Variants in PHC3 observed in about 807,000 individuals in gnomAD.
The protein encoded by PHC3 is polyhomeotic-like protein 3.
A neutral mutation model predicts 107.4 loss-of-function variants in PHC3; 13 were observed. The ratio of observed to expected loss-of-function variants is 0.12; its 90% CI spans 0.08 to 0.19. PHC3 has a LOEUF of 0.19. Ranked by LOEUF, PHC3 falls within the 10% of genes least tolerant of loss-of-function variation. PHC3 has a pLI of 1.00. For synonymous variants in PHC3, 456 were observed against 427.4 expected, an observed-to-expected ratio of 1.07 and a Z score of -0.83; for missense variants, 992 against 1,210.9, an observed-to-expected ratio of 0.82 and a Z score of 2.68.
intron 4 of PHC3, among the ~76,000 whole-genome samples, chr3:170,161,462 A>G (rs1727874310): frequency 6.6e-6 from 1 of 152,190 alleles, no homozygotes; most frequent in Non-Finnish European, 1.5e-5. Context: ...GTTCCATCTC[A>G]GATCATCAGG....
intron 8 of PHC3, among the ~76,000 whole-genome samples, chr3:170,124,571 C>T (rs917600789): frequency 2.0e-5 from 3 of 151,904 alleles, no homozygotes; most frequent in African/African-American, 7.2e-5. Context: ...CACTATGTTG[C>T]CCAGGCTGGT....
At chr3:170,105,040 G>T (rs1275419362) in intron 12 of PHC3, among the ~76,000 whole-genome samples, 2 of 152,162 alleles carry the variant, frequency 1.3e-5, no homozygotes, top group African/African-American at 4.8e-5. Context: ...ACATTTCCCT[G>T]TTAGGGCCCC....
chr3:170,170,955 G>T (rs1483367196), intron 4 of PHC3: 1 of 174,874 alleles, frequency 5.7e-6, no homozygotes, highest in African/African-American at 2.4e-5. Flanking sequence ...AATAACTCAT[G>T]TAAGCTGAAA....
intron 8 of PHC3, among the ~76,000 whole-genome samples, chr3:170,124,103 C>T (rs1315665793): frequency 1.3e-5 from 2 of 152,104 alleles, no homozygotes; most frequent in African/African-American, 4.8e-5. Context: ...CTGCCTTGGC[C>T]TCCCAAAGTG....
At chr3:170,171,681 T>C (rs1017305344) in intron 3 of PHC3, among the ~76,000 whole-genome samples, 27 of 152,248 alleles carry the variant, frequency 1.8e-4, no homozygotes, top group African/African-American at 6.0e-4. Context: ...TTAGCTACTT[T>C]ATTGTCAGTT....
chr3:170,117,056 T>C, intron 10 of PHC3, 170 bp downstream of exon 10: 2 of 856,622 alleles, frequency 2.3e-6, no homozygotes, highest in Non-Finnish European at 3.4e-6. Context: ...GGCATAAAAT[T>C]CTACATAAAC....
intron 8 of PHC3, among the ~76,000 whole-genome samples, chr3:170,126,519 TATATATA>T (rs1469873646): frequency 2.4e-5 from 2 of 82,488 alleles, no homozygotes; most frequent in Non-Finnish European, 4.7e-5. Context: ...TATATATATA[TATATATA>T]TATTTTTTTT....
intron 7 of PHC3, among the ~76,000 whole-genome samples, chr3:170,134,283 C>A (rs188263602): frequency 1.6e-4 from 24 of 152,048 alleles, no homozygotes; most frequent in African/African-American, 5.5e-4. Context: ...TCCACCTCCC[C>A]GGTTCAAGTA....
intron 10 of PHC3, 178 bp downstream of exon 10, chr3:170,117,048 C>A: frequency 1.3e-6 from 1 of 777,066 alleles, no homozygotes. Flanking sequence ...ACTTAGCTGG[C>A]ATAAAATTCT....
At chr3:170,131,577 T>G (rs1722270584) in intron 7 of PHC3, among the ~76,000 whole-genome samples, 2 of 152,246 alleles carry the variant, frequency 1.3e-5, no homozygotes, top group African/African-American at 4.8e-5. Context: ...CTCATGCCCG[T>G]AATCCCAGCA....
At position 170,088,447 on chromosome 3, in the gene PHC3, C is replaced by T. The variant is rs1414928402; in HGVS notation, c.*8783G>A. The T allele has an allele frequency of 1.3e-5, 2 of 152,164 alleles. No individual in the cohort carries two copies. Among genetic ancestry groups the T allele is most frequent in the Admixed American group, 1.3e-4 (2 of 15,280 alleles). 9.4% of individuals were successfully genotyped at this position (152,164 alleles called of 1,614,324 possible). ...CCATTGTCAGTATCCATCCATCCAA[C>T]CTTCATTTACTACAAGCACAATACT... On this transcript the variant is annotated 3_prime_UTR_variant, in exon 15 of 15. Coordinates refer to ENST00000495893, the MANE Select transcript of PHC3 (RefSeq NM_024947.4).
chr3:170,176,403 C>T (rs983482736), intron 2 of PHC3, among the ~76,000 whole-genome samples: 1 of 152,078 alleles, frequency 6.6e-6, no homozygotes, highest in African/African-American at 2.4e-5. Context: ...GTTAAATAGA[C>T]ATTATACTGG....
At position 170,133,616 on chromosome 3, in the gene PHC3, C is replaced by T. The variant is rs549540258; in HGVS notation, c.919+2803G>A. Among the ~76,000 whole-genome samples the T allele has an allele frequency of 1.9e-4, 29 of 152,262 alleles. No homozygotes were observed. In the East Asian group the frequency reaches 4.6e-3, roughly 24 times the overall value. On this transcript the variant is annotated intron_variant, in intron 7 of 14. Transcript: ENST00000495893. Reference sequence around the variant, plus strand: ...CTTTTAAGTAGTTCAGGATTTTCTGCGTGGTTTGTTTATAATCAACAACAT... The same window carrying T: ...CTTTTAAGTAGTTCAGGATTTTCTGTGTGGTTTGTTTATAATCAACAACAT...
At chr3:170,163,151 C>G (rs1577227658) in intron 4 of PHC3, among the ~76,000 whole-genome samples, 1 of 152,034 alleles carries the variant, frequency 6.6e-6, no homozygotes, top group East Asian at 1.9e-4. Context: ...ATATTAAACG[C>G]TCGATAAATA....
intron 6 of PHC3, among the ~76,000 whole-genome samples, chr3:170,142,168 A>G (rs1204584551): frequency 6.6e-6 from 1 of 152,240 alleles, no homozygotes; most frequent in Admixed American, 6.5e-5. Flanking sequence ...AACATTTAGT[A>G]AATGCTATCA....
intron 2 of PHC3, among the ~76,000 whole-genome samples, chr3:170,174,717 T>C (rs1730140390): frequency 6.6e-6 from 1 of 152,230 alleles, no homozygotes; most frequent in African/African-American, 2.4e-5. Context: ...TTTATTTTCA[T>C]GTGTTAATAT....
At chr3:170,134,796 C>T (rs182808094) in intron 7 of PHC3, among the ~76,000 whole-genome samples, 1 of 152,126 alleles carries the variant, frequency 6.6e-6, no homozygotes, top group East Asian at 1.9e-4. Flanking sequence ...ACATAAATGC[C>T]CAATATTATT....
At chr3:170,104,153 A>G (rs751556036) in intron 12 of PHC3, among the ~76,000 whole-genome samples, 2 of 152,172 alleles carry the variant, frequency 1.3e-5, no homozygotes, top group African/African-American at 4.8e-5. Flanking sequence ...TTCAGTAACA[A>G]TAACAGTAAA....
intron 4 of PHC3, among the ~76,000 whole-genome samples, chr3:170,163,498 G>GTC (rs1280094758): frequency 1.1e-4 from 16 of 150,616 alleles, no homozygotes; most frequent in Non-Finnish European, 1.8e-4. Context: ...GTGTGTGTGT[G>GTC]TGTGTGATGG....
Sources: gnomAD v4.1 joint callset for allele counts (sites outside exome capture counted in the v4.1 genomes callset) on GRCh38, gnomAD v4.1.1 for gene constraint, MANE v1.5 for transcripts, NCBI Gene and HGNC (gene_info 2026-07-23, HGNC 2026-07-21) for gene names.